The following BNC2 variants were observed in gnomAD, a reference collection of about 807,000 sequenced individuals.
BNC2 encodes basonuclin zinc finger protein 2.
Under a neutral mutation model 76.3 loss-of-function variants are expected in BNC2, and 20 were observed. The ratio of observed to expected loss-of-function variants is 0.26; its 90% CI spans 0.18 to 0.38. The LOEUF is 0.38. Ranked by LOEUF, BNC2 falls within the 10% of genes least tolerant of loss-of-function variation. The pLI, the probability that BNC2 is intolerant of heterozygous loss-of-function variation, is 1.00. For synonymous variants in BNC2, 582 were observed against 514.8 expected (o/e 1.13, Z -1.77); for missense variants, 1,382 against 1,399.8 (o/e 0.99, Z 0.20).
intron 5 of BNC2, among the ~76,000 whole-genome samples, chr9:16,506,510 CCTCTTTTTTTTTTTTT>C (rs1822628792): frequency 2.3e-5 from 2 of 88,540 alleles, no homozygotes; most frequent in South Asian, 4.5e-4. Flanking sequence ...CTCTCTCTCT[CCTCTTTTTTTTTTTTT>C]TTTTTTTTTT....
chr9:16,751,919 C>T (rs5016916), intron 1 of BNC2, among the ~76,000 whole-genome samples: 2 of 151,404 alleles, frequency 1.3e-5, no homozygotes, highest in South Asian at 4.2e-4. Context: ...ATCTCAGCTA[C>T]TCGGGAGGCT....
chr9:16,845,416 T>C (rs554381159), intron 1 of BNC2, among the ~76,000 whole-genome samples: 15 of 152,292 alleles, frequency 9.8e-5, no homozygotes, highest in African/African-American at 3.4e-4. Context: ...ACCACGGTAG[T>C]TGGGTTTTCA....
chr9:16,419,470 C>T lies in BNC2; in HGVS notation c.2819G>A (p.Gly940Glu). 1 of 1,613,888 alleles carries T rather than the reference C, an allele frequency of 6.2e-7. No homozygotes were observed. Among genetic ancestry groups the T allele is most frequent in the Non-Finnish European group, 8.5e-7 (1 of 1,179,886 alleles). ...CCCGTTCAGGTGGGAGTCTTCAGTC[C>T]CTGCGGGAGAGGAGGCGTCTTCCCT... is the stretch of plus-strand genomic sequence containing the variant. ...DVREDASSPA[G>E]TEDSHLNGYG... Residue 940 changes from glycine (G) to glutamate (E), a missense_variant, in exon 7 of 7, where the codon GGG becomes GAG. Gly to Glu is a moderately conservative substitution (Grantham distance 98). Coordinates refer to ENST00000380672, the MANE Select transcript of BNC2 (RefSeq NM_017637.6).
intron 1 of BNC2, among the ~76,000 whole-genome samples, chr9:16,829,552 A>C (rs1236291528): frequency 6.6e-6 from 1 of 152,190 alleles, no homozygotes; most frequent in Non-Finnish European, 1.5e-5. Flanking sequence ...TGACTAGAAA[A>C]CACGATATAG....
Position 16,413,931 on chromosome 9 carries a change from C to G in BNC2, c.*5058G>C, listed in dbSNP as rs1057473289. The G allele has an allele frequency of 2.6e-5, 4 of 152,326 alleles. No individual in the cohort carries two copies. Among genetic ancestry groups the G allele is most frequent in the African/African-American group, 9.6e-5 (4 of 41,570 alleles). 9.4% of individuals were successfully genotyped at this position (152,326 alleles called of 1,614,324 possible). A position where few individuals can be genotyped will look rare whatever the true frequency, so the allele number is the denominator to read the frequency against. On this transcript the variant is annotated 3_prime_UTR_variant, in exon 7 of 7. Transcript: ENST00000380672. ...ATGATCAAGAAAGGAACGATCCATG[C>G]TGGTGCCATTCGCACCTACTCCTCT...
At chr9:16,583,450 A>G (rs904790773) in intron 3 of BNC2, among the ~76,000 whole-genome samples, 2 of 152,196 alleles carry the variant, frequency 1.3e-5, no homozygotes, top group South Asian at 4.1e-4. Flanking sequence ...CTACTTGTCA[A>G]TAAAGCAAAA....
At chr9:16,781,940 A>C (rs1462082676) in intron 1 of BNC2, among the ~76,000 whole-genome samples, 1 of 151,220 alleles carries the variant, frequency 6.6e-6, no homozygotes, top group African/African-American at 2.5e-5. Flanking sequence ...GGATATTTAC[A>C]AAATGACAAG....
intron 1 of BNC2, chr9:16,867,256 G>T (rs974378112): frequency 1.1e-4 from 17 of 152,080 alleles, no homozygotes; most frequent in African/African-American, 4.1e-4. Context: ...TATCTGTGGG[G>T]TTTATATAAA....
chr9:16,721,205 T>C (rs747974860), intron 3 of BNC2, among the ~76,000 whole-genome samples: 2 of 152,134 alleles, frequency 1.3e-5, no homozygotes, highest in Non-Finnish European at 2.9e-5. Flanking sequence ...TTTTTCATCT[T>C]ATTTTTCCTG....
chr9:16,761,251 A>C (rs941071710), intron 1 of BNC2, among the ~76,000 whole-genome samples: 1 of 151,646 alleles, frequency 6.6e-6, no homozygotes, highest in Admixed American at 6.6e-5. Flanking sequence ...GTCTCAAAAC[A>C]AAAAACAACA....
chr9:16,474,305 A>C (rs896774993), intron 5 of BNC2, among the ~76,000 whole-genome samples: 3 of 152,242 alleles, frequency 2.0e-5, no homozygotes, highest in African/African-American at 7.2e-5. Context: ...TTATTTCATG[A>C]AACAGCAGAA....
At chr9:16,681,937 C>T (rs546395320) in intron 3 of BNC2, among the ~76,000 whole-genome samples, 3 of 151,770 alleles carry the variant, frequency 2.0e-5, no homozygotes, top group Non-Finnish European at 2.9e-5. Context: ...GGGACCGGTG[C>T]GCTGGTGACC....
intron 1 of BNC2, among the ~76,000 whole-genome samples, chr9:16,814,761 C>T (rs1252001290): frequency 6.6e-6 from 1 of 152,152 alleles, no homozygotes; most frequent in Admixed American, 6.5e-5. Flanking sequence ...ATGCCACACC[C>T]ACCAAATATC....
intron 1 of BNC2, among the ~76,000 whole-genome samples, chr9:16,833,734 T>C (rs937533371): frequency 6.6e-6 from 1 of 152,162 alleles, no homozygotes; most frequent in Non-Finnish European, 1.5e-5. Context: ...GAATGACGGG[T>C]GGCTAAGCAA....
At chr9:16,590,770 G>A (rs1406761875) in intron 3 of BNC2, among the ~76,000 whole-genome samples, 2 of 152,040 alleles carry the variant, frequency 1.3e-5, no homozygotes, top group African/African-American at 4.8e-5. Context: ...TCATACCACT[G>A]CACTCCCAGC....
chr9:16,522,337 C>T (rs1327681305), intron 5 of BNC2, among the ~76,000 whole-genome samples: 1 of 152,184 alleles, frequency 6.6e-6, no homozygotes, highest in East Asian at 1.9e-4. Flanking sequence ...GCCTCTTCCT[C>T]CTAGCATGCC....
intron 5 of BNC2, among the ~76,000 whole-genome samples, chr9:16,482,282 C>T (rs750748105): frequency 6.6e-6 from 1 of 152,068 alleles, no homozygotes; most frequent in Non-Finnish European, 1.5e-5. Flanking sequence ...ATCAAAATGA[C>T]TAAATAGTAC....
chr9:16,426,572 T>C (rs1207901593), intron 6 of BNC2, among the ~76,000 whole-genome samples: 1 of 152,238 alleles, frequency 6.6e-6, no homozygotes, highest in Admixed American at 6.5e-5. Context: ...TATTTAGCTA[T>C]GGCTTTATCT....
At chr9:16,554,798 T>C (rs1372409963) in intron 4 of BNC2, among the ~76,000 whole-genome samples, 1 of 152,182 alleles carries the variant, frequency 6.6e-6, no homozygotes, top group Non-Finnish European at 1.5e-5. Context: ...TTTCAGATAG[T>C]TCTTTACAAA....
Sources: allele counts gnomAD v4.1 joint callset (sites outside exome capture counted in the v4.1 genomes callset), GRCh38; gene constraint gnomAD v4.1.1; transcripts MANE v1.5; gene names NCBI Gene and HGNC (gene_info 2026-07-23, HGNC 2026-07-21).